The following RIMKLB variants were observed in gnomAD, a reference collection of about 807,000 sequenced individuals.
The protein encoded by RIMKLB is beta-citrylglutamate synthase B.
Under a neutral mutation model 32.0 loss-of-function variants are expected in RIMKLB, and 7 were observed. That is an observed-to-expected ratio of 0.22 (90% CI 0.12 to 0.41). The LOEUF (loss-of-function observed/expected upper bound fraction) is 0.41, where lower values mean the gene tolerates loss of function less well. RIMKLB is among the 10% of genes least tolerant of loss of function. The probability of loss-of-function intolerance (pLI) is 1.00; values close to 1 mark genes in which losing one functional copy is unlikely to be tolerated. For missense variants in RIMKLB, 289 were observed against 498.7 expected (o/e 0.58, Z 4.00); for synonymous variants, 172 against 185.1 (o/e 0.93, Z 0.57).
intron 2 of RIMKLB, 100 bp downstream of exon 2, chr12:8,714,141 C>A: frequency 1.1e-6 from 1 of 884,122 alleles, no homozygotes; most frequent in Non-Finnish European, 1.8e-6. Context: ...TTAGCCTTGT[C>A]ATTACTAAGT....
chr12:8,703,356 T>G (rs1943571393), intron 1 of RIMKLB, among the ~76,000 whole-genome samples: 1 of 152,186 alleles, frequency 6.6e-6, no homozygotes, highest in Non-Finnish European at 1.5e-5. Flanking sequence ...GGCAGGGTTT[T>G]GCTTTGTCAC....
chr12:8,742,559 A>AGT (rs1294363333), intron 2 of RIMKLB: 2 of 351,164 alleles, frequency 5.7e-6, no homozygotes, highest in Non-Finnish European at 1.1e-5. Context: ...TAAAAGAAAA[A>AGT]GTGATGGCAT....
intron 5 of RIMKLB, among the ~76,000 whole-genome samples, chr12:8,763,083 T>C (rs1949667487): frequency 6.6e-6 from 1 of 152,210 alleles, no homozygotes; most frequent in African/African-American, 2.4e-5. Flanking sequence ...GCTGTTTACA[T>C]TATGAGATGT....
intron 7 of RIMKLB, among the ~76,000 whole-genome samples, chr12:8,782,619 A>G (rs1399565641): frequency 6.6e-6 from 1 of 152,184 alleles, no homozygotes; most frequent in African/African-American, 2.4e-5. Context: ...AGAGTCAAAT[A>G]AATTTGGGAA....
chr12:8,680,318 G>A (rs1401541273), upstream of RIMKLB, among the ~76,000 whole-genome samples: 2 of 152,110 alleles, frequency 1.3e-5, no homozygotes, highest in Admixed American at 1.3e-4. Flanking sequence ...CACCACGCCC[G>A]GCTAATCTTT....
chr12:8,714,019 G>C lies in RIMKLB; in HGVS notation c.153G>C (p.Leu51=). The C allele has an allele frequency of 3.7e-6, 6 of 1,614,052 alleles. No individual in the cohort carries two copies. Among genetic ancestry groups the C allele is most frequent in the Non-Finnish European group, 5.1e-6 (6 of 1,179,984 alleles). ...FRAVVMDEVV[L]TIEQGNLGLR... ...CTGTGGTGATGGATGAGGTGGTGCT[G>C]ACAATCGAGCAAGGAAACCTGGGTA... Residue 51 remains leucine, a synonymous_variant, in exon 2 of 6, where the codon CTG becomes CTC. Transcript: ENST00000535829.
At chr12:8,751,011 TC>T (rs1410594025) in intron 3 of RIMKLB, among the ~76,000 whole-genome samples, 1 of 152,088 alleles carries the variant, frequency 6.6e-6, no homozygotes, top group African/African-American at 2.4e-5. Context: ...AAGGAACTCT[TC>T]CCCCTCAACC....
At chr12:8,678,187 T>A (rs1032074311), upstream of RIMKLB, among the ~76,000 whole-genome samples, 19 of 151,688 alleles carry the variant, frequency 1.3e-4, no homozygotes, top group East Asian at 3.9e-4. Flanking sequence ...AATTTTTTTT[T>A]AATTTAAAAA....
In RIMKLB at chr12:8,751,914, T is replaced by C. The variant is rs557235208; in HGVS notation, c.407-43T>C. The C allele has an allele frequency of 7.3e-6, 9 of 1,232,410 alleles. No individual in the cohort carries two copies. In the South Asian group the frequency reaches 9.8e-5, roughly 13 times the overall value. The allele number at this position is 1,232,410 out of a possible 1,614,324, so 76.3% of individuals were successfully genotyped here. ...GTTGATAAAATTGATCACAAAATACTTCTGCTGCTGTTTGTCTTAAATTTT... is the reference window on the plus strand; with the variant it reads ...GTTGATAAAATTGATCACAAAATACCTCTGCTGCTGTTTGTCTTAAATTTT... On this transcript the variant is annotated intron_variant, in intron 3 of 5. Transcript: ENST00000535829.
At chr12:8,693,688 A>G, upstream of RIMKLB, among the ~76,000 whole-genome samples, 1 of 152,104 alleles carries the variant, frequency 6.6e-6, no homozygotes. Flanking sequence ...GGGAGACACC[A>G]CACCGGGCCT....
intron 2 of RIMKLB, among the ~76,000 whole-genome samples, chr12:8,718,669 A>ATGTGTGTGTGTGTGTGTGTGTGTGTG (rs1182850325): frequency 1.7e-5 from 2 of 116,128 alleles, no homozygotes; most frequent in African/African-American, 6.6e-5. Flanking sequence ...ATATATATAT[A>ATGTGTGTGTGTGTGTGTGTGTGTGTG]TGTGTGTGTG....
chr12:8,752,324 A>G (rs1948677984), intron 4 of RIMKLB, among the ~76,000 whole-genome samples: 1 of 152,198 alleles, frequency 6.6e-6, no homozygotes, highest in Non-Finnish European at 1.5e-5. Flanking sequence ...AGGCTAAGGC[A>G]GGCGGATCGC....
At chr12:8,753,714 G>A (rs144656130) in intron 4 of RIMKLB, among the ~76,000 whole-genome samples, 176 bp from the exon 5 acceptor site, 1 of 151,840 alleles carries the variant, frequency 6.6e-6, no homozygotes, top group African/African-American at 2.4e-5. Flanking sequence ...TATTTACCTT[G>A]TCTTTATATA....
chr12:8,758,800 C>A (rs767303556), intron 5 of RIMKLB, among the ~76,000 whole-genome samples: 8 of 152,248 alleles, frequency 5.3e-5, no homozygotes, highest in Admixed American at 5.2e-4. Flanking sequence ...TTTATTACTA[C>A]TTTGTAACGT....
At chr12:8,674,714 T>G in the RIMKLB span, among the ~76,000 whole-genome samples, 1 of 150,414 alleles carries the variant, frequency 6.6e-6, no homozygotes, top group African/African-American at 2.5e-5. Flanking sequence ...CATGCCCAAC[T>G]AATTTTTGTG....
chr12:8,732,414 C>A (rs1451478945), intron 2 of RIMKLB, among the ~76,000 whole-genome samples: 2 of 152,114 alleles, frequency 1.3e-5, no homozygotes, highest in Non-Finnish European at 2.9e-5. Context: ...GTCACAGTCA[C>A]GCTTTCCTAT....
At chr12:8,752,658 T>G (rs1948708620) in intron 4 of RIMKLB, among the ~76,000 whole-genome samples, 2 of 152,208 alleles carry the variant, frequency 1.3e-5, no homozygotes, top group Admixed American at 1.3e-4. Flanking sequence ...CTATAACACT[T>G]TACAAGATGG....
At chr12:8,782,218 A>C (rs1260217126) in intron 7 of RIMKLB, among the ~76,000 whole-genome samples, 1 of 152,144 alleles carries the variant, frequency 6.6e-6, no homozygotes, top group Non-Finnish European at 1.5e-5. Context: ...ACAAGAGAGC[A>C]TTTAACTTGA....
exon 1 of RIMKLB, chr12:8,681,634 G>A (rs1942410526): frequency 6.6e-6 from 1 of 152,114 alleles, no homozygotes; most frequent in South Asian, 2.1e-4. Flanking sequence ...AGAGGGGGCT[G>A]GAAATAAAGC....
Sources: allele counts gnomAD v4.1 joint callset (sites outside exome capture counted in the v4.1 genomes callset), GRCh38; gene constraint gnomAD v4.1.1; transcripts MANE v1.5; gene names NCBI Gene and HGNC (gene_info 2026-07-23, HGNC 2026-07-21).